The following SAMD12 variants were observed in gnomAD, a reference collection of about 807,000 sequenced individuals.
The protein encoded by SAMD12 is sterile alpha motif domain-containing protein 12.
Under a neutral mutation model 15.0 loss-of-function variants are expected in SAMD12, and 9 were observed. The ratio of observed to expected loss-of-function variants is 0.60; its 90% CI spans 0.36 to 1.05. The LOEUF is 1.05. SAMD12 is among the 50% of genes least tolerant of loss of function. SAMD12 has a pLI of 0.01. For missense variants in SAMD12, 230 were observed against 234.2 expected (o/e 0.98, Z 0.12); for synonymous variants, 86 against 90.1 (o/e 0.96, Z 0.25).
chr8:118,431,931 T>C (rs1389615806), intron 3 of SAMD12, among the ~76,000 whole-genome samples: 2 of 152,164 alleles, frequency 1.3e-5, no homozygotes, highest in African/African-American at 4.8e-5. Context: ...TCTGCTCTGT[T>C]GTTTTCATTC....
intron 4 of SAMD12, among the ~76,000 whole-genome samples, chr8:118,206,207 A>G (rs1192716951): frequency 6.6e-6 from 1 of 152,228 alleles, no homozygotes; most frequent in East Asian, 1.9e-4. Context: ...AACTCTGTTT[A>G]ATCATAGCCT....
intron 4 of SAMD12, among the ~76,000 whole-genome samples, chr8:118,217,397 C>A (rs1161582302): frequency 1.3e-5 from 2 of 152,288 alleles, no homozygotes; most frequent in East Asian, 1.9e-4. Flanking sequence ...TCAGCACATA[C>A]CAAATGAATA....
intron 4 of SAMD12, among the ~76,000 whole-genome samples, chr8:118,331,150 C>T (rs773033339): frequency 1.3e-5 from 2 of 152,040 alleles, no homozygotes; most frequent in Non-Finnish European, 2.9e-5. Context: ...TCAGCACAAA[C>T]TTGAGACAGT....
chr8:118,296,675 A>G lies in SAMD12; in HGVS notation c.433+82885T>C, dbSNP rs141303805. Among the ~76,000 whole-genome samples, 64 of 152,336 alleles carry G rather than the reference A, an allele frequency of 4.2e-4. 1 individual carries two copies. Among genetic ancestry groups the G allele is most frequent in the African/African-American group, 1.4e-3 (60 of 41,590 alleles). On this transcript the variant is annotated intron_variant, in intron 4 of 4. Coordinates refer to the SAMD12 transcript ENST00000409003. ...ACACAGCCGAGATTGGAATAGAAAC[A>G]TGCCTTTCTACCATGCCAATTTATC...
At chr8:118,165,322 C>G in the SAMD12 span, among the ~76,000 whole-genome samples, 1 of 152,012 alleles carries the variant, frequency 6.6e-6, no homozygotes, top group Admixed American at 6.6e-5. Context: ...AACAGCCAGA[C>G]AGAAGAGATG....
chr8:118,504,814 G>A (rs1040233267), intron 2 of SAMD12, among the ~76,000 whole-genome samples: 1 of 152,208 alleles, frequency 6.6e-6, no homozygotes, highest in Admixed American at 6.5e-5. Flanking sequence ...GCCAACAGCT[G>A]CTGGAACTAG....
Position 118,379,506 on chromosome 8 carries a change from T to C in SAMD12, c.517A>G (p.Thr173Ala), listed in dbSNP as rs757687413. Residue 173 changes from threonine (T) to alanine (A), a missense_variant, in exon 4 of 4, where the codon ACC (threonine) becomes GCC (alanine). By Grantham distance (58) the Thr-to-Ala change is moderately conservative (BLOSUM62 0). Transcript: ENST00000314727. ...ACTCCTGTCTGTCCTAATAGTAAGG[T>C]GGTCTTTCTTCTAATCTCCCCATCC... is the stretch of plus-strand genomic sequence containing the variant. ...WMDGEIRRKT[T>A]LLLGQTGVRE... The C allele has an allele frequency of 3.1e-6, 5 of 1,613,860 alleles. No individual in the cohort carries two copies. In the East Asian group the frequency reaches 1.1e-4, roughly 36 times the overall value.
At chr8:118,433,264 G>A (rs554435038) in intron 3 of SAMD12, among the ~76,000 whole-genome samples, 1 of 152,232 alleles carries the variant, frequency 6.6e-6, no homozygotes, top group East Asian at 1.9e-4. Flanking sequence ...CCAGTGACTG[G>A]GATGATCCAT....
At chr8:118,383,793 C>A (rs1433201992) in intron 3 of SAMD12, among the ~76,000 whole-genome samples, 2 of 152,114 alleles carry the variant, frequency 1.3e-5, no homozygotes, top group Non-Finnish European at 2.9e-5. Context: ...GCCTTTTACT[C>A]TTTTCCATTA....
chr8:118,473,460 T>C (rs1366329981), intron 2 of SAMD12, among the ~76,000 whole-genome samples: 1 of 152,226 alleles, frequency 6.6e-6, no homozygotes, highest in Non-Finnish European at 1.5e-5. Flanking sequence ...CACATCTTTA[T>C]AGAGAAAATC....
intron 1 of SAMD12, among the ~76,000 whole-genome samples, chr8:118,604,929 T>TA (rs1182299881): frequency 3.3e-5 from 5 of 150,088 alleles, no homozygotes; most frequent in South Asian, 2.1e-4. Context: ...CTCAAAAAAA[T>TA]AAAAAAAATA....
At chr8:118,258,705 G>A (rs1193459196) in intron 4 of SAMD12, among the ~76,000 whole-genome samples, 1 of 152,096 alleles carries the variant, frequency 6.6e-6, no homozygotes, top group African/African-American at 2.4e-5. Flanking sequence ...TACAAATGAT[G>A]GGAATGTTTG....
intron 3 of SAMD12, among the ~76,000 whole-genome samples, chr8:118,418,938 CT>C (rs1365198653): frequency 6.6e-6 from 1 of 152,108 alleles, no homozygotes; most frequent in Non-Finnish European, 1.5e-5. Flanking sequence ...ATTTTCCTTT[CT>C]CTTCTATTTC....
chr8:118,320,261 G>A (rs4571758), intron 4 of SAMD12, among the ~76,000 whole-genome samples: 74,327 of 151,932 alleles, frequency 0.49, 20,633 homozygotes, highest in African/African-American at 0.77. Flanking sequence ...ACATCAGACT[G>A]TGGAACAAAT....
chr8:118,383,157 T>A (rs1819761698), intron 3 of SAMD12, among the ~76,000 whole-genome samples: 1 of 152,228 alleles, frequency 6.6e-6, no homozygotes, highest in African/African-American at 2.4e-5. Flanking sequence ...TAAAATTCAA[T>A]TGTTAGTTCA....
intron 4 of SAMD12, among the ~76,000 whole-genome samples, chr8:118,236,587 G>A (rs191821909): frequency 4.5e-4 from 68 of 152,286 alleles, no homozygotes; most frequent in Admixed American, 3.1e-3. Context: ...AAAAAACCTC[G>A]CCTGGGCTGG....
At chr8:118,238,474 G>A (rs952075429) in intron 4 of SAMD12, among the ~76,000 whole-genome samples, 1 of 152,080 alleles carries the variant, frequency 6.6e-6, no homozygotes, top group African/African-American at 2.4e-5. Flanking sequence ...TCATATCTCA[G>A]GACTTGCCCA....
intron 2 of SAMD12, among the ~76,000 whole-genome samples, chr8:118,485,410 AG>A: frequency 6.6e-6 from 1 of 152,344 alleles, no homozygotes; most frequent in East Asian, 1.9e-4. Flanking sequence ...TGGTGAGAGA[AG>A]GCAGAGATGA....
At chr8:118,302,244 G>A (rs1051798883) in intron 4 of SAMD12, among the ~76,000 whole-genome samples, 1 of 151,974 alleles carries the variant, frequency 6.6e-6, no homozygotes, top group Non-Finnish European at 1.5e-5. Flanking sequence ...CACTTTTCTT[G>A]AATTGTTAAG....
Sources: gnomAD v4.1 joint callset for allele counts (sites outside exome capture counted in the v4.1 genomes callset) on GRCh38, gnomAD v4.1.1 for gene constraint, MANE v1.5 for transcripts, NCBI Gene and HGNC (gene_info 2026-07-23, HGNC 2026-07-21) for gene names.